Variants in CTNNA3 observed in about 807,000 individuals in gnomAD.
The protein encoded by CTNNA3 is catenin alpha 3.
A neutral mutation model predicts 95.7 loss-of-function variants in CTNNA3; 76 were observed. The observed-to-expected ratio is 0.79, with a 90% confidence interval of 0.66 to 0.96. The LOEUF (loss-of-function observed/expected upper bound fraction) is 0.96, where lower values mean the gene tolerates loss of function less well. Ranked by LOEUF, CTNNA3 falls within the 40% of genes least tolerant of loss-of-function variation. The pLI is 0.00. For missense variants in CTNNA3, 1,191 were observed against 1,089.8 expected, an observed-to-expected ratio of 1.09 and a Z score of -1.31; for synonymous variants, 431 against 374.4, an observed-to-expected ratio of 1.15 and a Z score of -1.74.
chr10:67,361,893 G>A (rs1337104074), intron 5 of CTNNA3, among the ~76,000 whole-genome samples: 1 of 151,808 alleles, frequency 6.6e-6, no homozygotes, highest in Admixed American at 6.6e-5. Flanking sequence ...AAAGAAAAAA[G>A]GAAGAAGATC....
At chr10:66,132,056 C>T (rs192838771) in intron 13 of CTNNA3, among the ~76,000 whole-genome samples, 3 of 152,204 alleles carry the variant, frequency 2.0e-5, no homozygotes, top group African/African-American at 7.2e-5. Flanking sequence ...CAAATAAGAT[C>T]TACTTAAACT....
chr10:66,714,316 A>T (rs116894708), intron 9 of CTNNA3, among the ~76,000 whole-genome samples: 2,958 of 152,252 alleles, frequency 0.019, 52 homozygotes, highest in Middle Eastern at 0.058. Flanking sequence ...TACAATTAAA[A>T]TGGAAATCCA....
chr10:67,759,826 G>A (rs1197243885), intron 1 of CTNNA3, among the ~76,000 whole-genome samples: 2 of 152,110 alleles, frequency 1.3e-5, no homozygotes, highest in Admixed American at 6.6e-5. Flanking sequence ...CTGACAACCA[G>A]CAAGTCTTAC....
intron 3 of CTNNA3, among the ~76,000 whole-genome samples, chr10:67,555,261 T>G (rs1055033189): frequency 5.9e-5 from 9 of 152,218 alleles, no homozygotes; most frequent in African/African-American, 2.2e-4. Flanking sequence ...CCATATGAAC[T>G]TTAAGTAGTT....
intron 12 of CTNNA3, among the ~76,000 whole-genome samples, chr10:66,373,472 C>G (rs2092769188): frequency 6.6e-6 from 1 of 152,066 alleles, no homozygotes. Context: ...AGATCTTACT[C>G]TTCTTTAGAG....
At chr10:67,588,530 T>TG (rs11344227) in intron 3 of CTNNA3, among the ~76,000 whole-genome samples, 28 of 150,430 alleles carry the variant, frequency 1.9e-4, no homozygotes, top group Admixed American at 3.3e-4. Flanking sequence ...ATTGAATTTA[T>TG]GGGGGGGGGA....
intron 10 of CTNNA3, among the ~76,000 whole-genome samples, chr10:66,538,718 G>A (rs143163990): frequency 2.0e-5 from 3 of 152,228 alleles, no homozygotes; most frequent in Non-Finnish European, 4.4e-5. Context: ...ATTTTAAGTA[G>A]TCTGTTGATA....
intron 10 of CTNNA3, among the ~76,000 whole-genome samples, chr10:66,592,662 G>A (rs975123676): frequency 6.6e-6 from 1 of 152,180 alleles, no homozygotes; most frequent in African/African-American, 2.4e-5. Context: ...AAAAGATGAA[G>A]GGATGGATAT....
intron 17 of CTNNA3, among the ~76,000 whole-genome samples, chr10:65,961,172 T>C (rs2133240088): frequency 6.6e-6 from 1 of 152,264 alleles, no homozygotes; most frequent in African/African-American, 2.4e-5. Context: ...AAAATGCTTT[T>C]GGTGACTCTG....
intron 7 of CTNNA3, among the ~76,000 whole-genome samples, chr10:67,049,930 T>C (rs972780182): frequency 7.2e-5 from 11 of 152,238 alleles, no homozygotes; most frequent in Non-Finnish European, 1.5e-4. Context: ...CATTTAGAAA[T>C]CCCTAAATGT....
intron 7 of CTNNA3, among the ~76,000 whole-genome samples, chr10:66,903,364 G>A (rs1159078043): frequency 6.6e-6 from 1 of 152,148 alleles, no homozygotes; most frequent in Non-Finnish European, 1.5e-5. Flanking sequence ...ACTAGGTATT[G>A]ATGGAATGTA....
intron 1 of CTNNA3, among the ~76,000 whole-genome samples, chr10:67,704,053 G>C (rs575395141): frequency 2.4e-3 from 365 of 152,160 alleles, no homozygotes; most frequent in African/African-American, 8.4e-3. Flanking sequence ...AAAATACCTA[G>C]GAATCCAACT....
intron 3 of CTNNA3, among the ~76,000 whole-genome samples, chr10:67,590,839 T>A (rs1402730368): frequency 6.6e-6 from 1 of 152,114 alleles, no homozygotes; most frequent in Non-Finnish European, 1.5e-5. Flanking sequence ...TTTTAAAAAT[T>A]TTTTGACAGA....
chr10:66,505,613 G>A (rs1840423076), intron 11 of CTNNA3, among the ~76,000 whole-genome samples: 2 of 152,058 alleles, frequency 1.3e-5, no homozygotes, highest in African/African-American at 4.8e-5. Flanking sequence ...AGGTTATTCG[G>A]CTTGAGCTAG....
chr10:66,890,720 G>A (rs1456235130), intron 7 of CTNNA3, among the ~76,000 whole-genome samples: 6 of 152,262 alleles, frequency 3.9e-5, no homozygotes, highest in South Asian at 4.1e-4. Context: ...GTTTAAGGAA[G>A]GTCCAAGAGA....
At chr10:66,991,754 G>C (rs1252494291) in intron 7 of CTNNA3, among the ~76,000 whole-genome samples, 2 of 152,126 alleles carry the variant, frequency 1.3e-5, no homozygotes, top group Admixed American at 6.6e-5. Context: ...AGAACTCTGT[G>C]CTGTTTAAAC....
chr10:66,886,717 C>T (rs908346766), intron 7 of CTNNA3, among the ~76,000 whole-genome samples: 6 of 152,256 alleles, frequency 3.9e-5, no homozygotes, highest in Non-Finnish European at 8.8e-5. Context: ...TAATCCCATT[C>T]CATACCTGCA....
intron 10 of CTNNA3, among the ~76,000 whole-genome samples, chr10:66,572,916 C>G (rs1842911578): frequency 6.6e-6 from 1 of 152,128 alleles, no homozygotes. Flanking sequence ...TACATTGAGG[C>G]TAACCTGCCA....
At chr10:66,403,012 C>T (rs1432393308) in intron 11 of CTNNA3, among the ~76,000 whole-genome samples, 1 of 152,172 alleles carries the variant, frequency 6.6e-6, no homozygotes, top group Non-Finnish European at 1.5e-5. Flanking sequence ...AACTTCTCTG[C>T]CTTAACCAAT....
Sources: gnomAD v4.1 joint callset for allele counts (sites outside exome capture counted in the v4.1 genomes callset) on GRCh38, gnomAD v4.1.1 for gene constraint, MANE v1.5 for transcripts, NCBI Gene and HGNC (gene_info 2026-07-23, HGNC 2026-07-21) for gene names.